Variants in TBRG1 observed in about 807,000 individuals in gnomAD.
TBRG1 encodes transforming growth factor beta regulator 1.
Under a neutral mutation model 44.0 loss-of-function variants are expected in TBRG1, and 31 were observed. The observed-to-expected ratio is 0.70, with a 90% CI of 0.53 to 0.95. The LOEUF is 0.95. Among genes scored for constraint, TBRG1 ranks in the 40% least tolerant of loss-of-function variants. The pLI, the probability that TBRG1 is intolerant of heterozygous loss-of-function variation, is 0.00. For synonymous variants in TBRG1, 171 were observed against 188.1 expected, an observed-to-expected ratio of 0.91 and a Z score of 0.74; for missense variants, 487 against 496.1, an observed-to-expected ratio of 0.98 and a Z score of 0.18.
chr11:124,626,412 T>C, intron 3 of TBRG1, 61 bp from the exon 4 acceptor site: 1 of 1,429,532 alleles, frequency 7.0e-7, no homozygotes, highest in South Asian at 1.4e-5. Flanking sequence ...CGTGCAAATT[T>C]ATCCCTTCCC....
Position 124,623,037 on chromosome 11 carries a change from G to T in TBRG1, c.-47G>T. The stretch of plus-strand genomic sequence containing the variant: ...CGCTCCCGCCCGCTCCCCGACTTAG[G>T]ATCCGATGCCGGCAGCGTCCTGGGG... On this transcript the variant is annotated 5_prime_UTR_variant, in exon 1 of 9. Coordinates refer to ENST00000441174, the MANE Select transcript of TBRG1 (RefSeq NM_032811.3). 1 of 1,492,642 alleles carries T rather than the reference G, an allele frequency of 6.7e-7. No homozygotes were observed. Among genetic ancestry groups the T allele is most frequent in the Non-Finnish European group, 8.9e-7 (1 of 1,123,082 alleles). 92.5% of individuals were successfully genotyped at this position (1,492,642 alleles called of 1,614,324 possible).
At position 124,623,240 on chromosome 11, in the gene TBRG1, C is replaced by G; in HGVS notation, c.150+7C>G. 6.4e-7 allele frequency: 1 copy of G among 1,551,412 alleles called. No homozygotes were observed. The highest frequency in any genetic ancestry group is 8.7e-7 in the Non-Finnish European group (1 of 1,147,008). On this transcript the variant is annotated splice_region_variant and intron_variant, in intron 1 of 8. Transcript: ENST00000441174. ...GGCCAAGGCCACGGTGTTTGTGAGT[C>G]TGACCCACGTTCAGCCGGTCCCCTC... is the stretch of plus-strand genomic sequence containing the variant.
rs1410567446 is a variant in TBRG1, at chr11:124,633,168, G to A, written c.*930G>A. 1 of 152,122 alleles carries A rather than the reference G, an allele frequency of 6.6e-6. No individual in the cohort carries two copies. The highest frequency in any genetic ancestry group is 1.5e-5 in the Non-Finnish European group (1 of 68,030). The allele number at this position is 152,122 out of a possible 1,614,324, so 9.4% of individuals were successfully genotyped here. On this transcript the variant is annotated 3_prime_UTR_variant, in exon 9 of 9. Coordinates refer to ENST00000441174, the MANE Select transcript of TBRG1 (RefSeq NM_032811.3). ...TGCACCTCAGATAATGTGCTTTTTA[G>A]CTCAGTACACTGAAACCATATGATA... is the stretch of plus-strand genomic sequence containing the variant.
At chr11:124,623,321 A>G in intron 1 of TBRG1, 88 bp downstream of exon 1, 1 of 1,416,112 alleles carries the variant, frequency 7.1e-7, no homozygotes, top group Non-Finnish European at 9.8e-7. Context: ...CCAGTGTGAC[A>G]GTATTAATAC....
At chr11:124,630,288 T>C in intron 5 of TBRG1, 100 bp from the exon 6 acceptor site, 1 of 828,620 alleles carries the variant, frequency 1.2e-6, no homozygotes, top group Non-Finnish European at 2.1e-6. Flanking sequence ...ATGGTATACG[T>C]CAGCTTCACG....
chr11:124,628,515 AG>A (rs1942535090), intron 5 of TBRG1, among the ~76,000 whole-genome samples: 1 of 141,600 alleles, frequency 7.1e-6, no homozygotes, highest in African/African-American at 2.5e-5. Context: ...AGTAGGAAAA[AG>A]CAATATTAAA....
intron 1 of TBRG1, 44 bp downstream of exon 1, chr11:124,623,277 C>G (rs1275560030): frequency 6.5e-7 from 1 of 1,548,980 alleles, no homozygotes; most frequent in Admixed American, 2.0e-5. Context: ...TGGAGACTCC[C>G]TCACAAAATC....
chr11:124,628,688 T>C (rs968855479), intron 5 of TBRG1, among the ~76,000 whole-genome samples: 10 of 151,964 alleles, frequency 6.6e-5, no homozygotes, highest in Non-Finnish European at 1.3e-4. Flanking sequence ...CTGGCCGGGG[T>C]GGAGGAAAAC....
rs912764059 is a variant in TBRG1, at chr11:124,625,857, T to C, written c.408T>C (p.Thr136=). 1 of 1,577,432 alleles carries C rather than the reference T, an allele frequency of 6.3e-7. No individual in the cohort carries two copies. The highest frequency in any genetic ancestry group is 8.6e-7 in the Non-Finnish European group (1 of 1,163,916). ...TGAEEPFGKK[T]KKEKKEKGKE... ...CTGAGGAACCATTTGGGAAGAAAAC[T>C]AAGAAGGAGAAAAAAGAAAAAGGCA... The change falls in exon 3 of 9, where the codon ACT becomes ACC. Residue 136 remains threonine, a synonymous_variant. Transcript: ENST00000441174.
At chr11:124,625,604 T>G in intron 2 of TBRG1, 67 bp from the exon 3 acceptor site, 5 of 1,415,502 alleles carry the variant, frequency 3.5e-6, no homozygotes, top group South Asian at 1.4e-5. Flanking sequence ...TCCCAGTACT[T>G]GAGTAAAATA....
chr11:124,631,069 A>G (rs948587484), intron 7 of TBRG1: 8 of 636,604 alleles, frequency 1.3e-5, no homozygotes, highest in East Asian at 2.8e-5. Context: ...TGTATGTACC[A>G]TGACAGCAAA....
At chr11:124,626,029 C>T in intron 3 of TBRG1, 126 bp downstream of exon 3, 1 of 1,313,166 alleles carries the variant, frequency 7.6e-7, no homozygotes, top group South Asian at 1.7e-5. Context: ...TCTTAAGGAG[C>T]CCTAGGAGCC....
intron 3 of TBRG1, 131 bp from the exon 4 acceptor site, chr11:124,626,342 C>A: frequency 1.2e-6 from 1 of 842,262 alleles, no homozygotes; most frequent in South Asian, 1.8e-5. Context: ...GGGCGAAAGC[C>A]CCATATGCCC....
intron 1 of TBRG1, 27 bp downstream of exon 1, chr11:124,623,260 C>T (rs536559306): frequency 6.4e-7 from 1 of 1,551,130 alleles, no homozygotes; most frequent in South Asian, 1.2e-5. Context: ...TTCAGCCGGT[C>T]CCCTCCTGGA....
intron 1 of TBRG1, among the ~76,000 whole-genome samples, chr11:124,624,694 C>T (rs77176986): frequency 1.3e-5 from 2 of 152,238 alleles, no homozygotes; most frequent in East Asian, 1.9e-4. Flanking sequence ...TAATAGTACC[C>T]CCTTTTCACT....
chr11:124,629,827 A>G (rs1319055301), intron 5 of TBRG1: 1 of 153,130 alleles, frequency 6.5e-6, no homozygotes, highest in Admixed American at 6.5e-5. Flanking sequence ...ATTGCGCTTT[A>G]TAGAAAACTG....
intron 5 of TBRG1, among the ~76,000 whole-genome samples, 157 bp downstream of exon 5, chr11:124,627,207 G>T (rs1942495373): frequency 6.6e-6 from 1 of 152,212 alleles, no homozygotes; most frequent in African/African-American, 2.4e-5. Context: ...TCACACCTCT[G>T]CTAATAAGTG....
In TBRG1 at chr11:124,632,323, A is replaced by T. The variant is rs970700484; in HGVS notation, c.*85A>T. On this transcript the variant is annotated 3_prime_UTR_variant, in exon 9 of 9. Coordinates refer to ENST00000441174, the MANE Select transcript of TBRG1 (RefSeq NM_032811.3). ...TTTTGGGTATATGAAAGAAGGCAGC[A>T]ATTCAGAAGTAAAGAAGATACTAAC... 2.1e-4 allele frequency: 248 copies of T among 1,200,134 alleles called. 1 individual carries two copies. The highest frequency in any genetic ancestry group is 6.9e-4 in the Admixed American group (34 of 49,416). The allele number at this position is 1,200,134 out of a possible 1,614,324, so 74.3% of individuals were successfully genotyped here. A position where few individuals can be genotyped will look rare whatever the true frequency, so the allele number is the denominator to read the frequency against.
At position 124,631,548 on chromosome 11, in the gene TBRG1, G is replaced by T. The variant is rs1045553110; in HGVS notation, c.1090+131G>T. 4.9e-6 allele frequency: 5 copies of T among 1,021,466 alleles called. No individual in the cohort carries two copies. The South Asian group carries it at 7.0e-5, about 14-fold the overall frequency. 63.3% of individuals were successfully genotyped at this position (1,021,466 alleles called of 1,614,324 possible). ...AAAGCTTTCATTGAATCAGCCTTGC[G>T]GAGTGCTGAGTTAGAGGGGGACCTG... On this transcript the variant is annotated intron_variant, in intron 8 of 8. Coordinates refer to ENST00000441174, the MANE Select transcript of TBRG1 (RefSeq NM_032811.3).
Sources: allele counts gnomAD v4.1 joint callset (sites outside exome capture counted in the v4.1 genomes callset), GRCh38; gene constraint gnomAD v4.1.1; transcripts MANE v1.5; gene names NCBI Gene and HGNC (gene_info 2026-07-23, HGNC 2026-07-21).